Variants in PCGF3 observed in about 807,000 individuals in gnomAD.
PCGF3 encodes the protein polycomb group ring finger 3, also known as polycomb group RING finger protein 3.
PCGF3 carries 7 observed loss-of-function variants against 33.1 expected under a neutral mutation model. The observed-to-expected ratio is 0.21, with a 90% CI of 0.12 to 0.40. PCGF3 has a LOEUF of 0.40. Among genes scored for constraint, PCGF3 ranks in the 10% least tolerant of loss-of-function variants. The pLI, the probability that PCGF3 is intolerant of heterozygous loss-of-function variation, is 1.00. For synonymous variants in PCGF3, 153 were observed against 121.3 expected, an observed-to-expected ratio of 1.26 and a Z score of -1.72; for missense variants, 211 against 313.3, an observed-to-expected ratio of 0.67 and a Z score of 2.46.
At chr4:730,855 C>T (rs1743525645) in intron 2 of PCGF3, 115 bp from the exon 3 acceptor site, 3 of 396,010 alleles carry the variant, frequency 7.6e-6, no homozygotes, top group Middle Eastern at 6.2e-4. Context: ...TGATTGACCC[C>T]ATTCCGCCCT....
At chr4:761,456 C>T (rs371102392) in intron 9 of PCGF3, 40 bp downstream of exon 9, 7 of 1,524,808 alleles carry the variant, frequency 4.6e-6, no homozygotes, top group South Asian at 2.5e-5. Context: ...AACAAGTCCT[C>T]TCTTATTTCT....
exon 1 of PCGF3, chr4:705,879 T>A (rs1322640541): frequency 2.0e-5 from 3 of 151,996 alleles, no homozygotes; most frequent in African/African-American, 7.3e-5. Flanking sequence ...TTTCTCCTCC[T>A]CTTGGGGGGG....
intron 1 of PCGF3, among the ~76,000 whole-genome samples, chr4:728,725 C>T (rs1274911770): frequency 6.6e-6 from 1 of 152,224 alleles, no homozygotes; most frequent in Non-Finnish European, 1.5e-5. Context: ...AGTCTGAGAA[C>T]TCCTGTCAGG....
chr4:761,417 G>A lies in PCGF3; in HGVS notation c.600+1G>A, dbSNP rs1403931320. ...ACTCAACCTTTCATCCTTTAACGAG[G>A]TAACAGTTGATCCCTAAGTAGAAAC... On this transcript the variant is annotated splice_donor_variant, in intron 9 of 10. Coordinates refer to ENST00000362003, the Ensembl canonical transcript of PCGF3. LOFTEE classifies it high-confidence loss of function. 6.2e-7 allele frequency: 1 copy of A among 1,600,956 alleles called. No individual in the cohort carries two copies. Among genetic ancestry groups the A allele is most frequent in the African/African-American group, 1.3e-5 (1 of 74,436 alleles).
chr4:730,305 G>A (rs1245799767), intron 1 of PCGF3, among the ~76,000 whole-genome samples: 1 of 152,116 alleles, frequency 6.6e-6, no homozygotes, highest in Non-Finnish European at 1.5e-5. Flanking sequence ...CCCCTCCTCT[G>A]GGGGGCTCCA....
At chr4:742,811 C>T (rs531897731) in intron 6 of PCGF3, among the ~76,000 whole-genome samples, 4 of 152,290 alleles carry the variant, frequency 2.6e-5, no homozygotes, top group East Asian at 1.9e-4. Flanking sequence ...CACCAGGGGG[C>T]GCTCTTAACC....
intron 8 of PCGF3, among the ~76,000 whole-genome samples, chr4:756,719 C>T (rs1181662943): frequency 6.6e-6 from 1 of 152,106 alleles, no homozygotes; most frequent in Non-Finnish European, 1.5e-5. Flanking sequence ...CCACCACCAC[C>T]ACCATCATCT....
chr4:769,717 G>A (rs1167144591), exon 11 of PCGF3: 3 of 152,670 alleles, frequency 2.0e-5, no homozygotes, highest in African/African-American at 7.2e-5. Flanking sequence ...CCCCTGAGAT[G>A]TGCGTAGCCT....
chr4:721,645 C>T lies in PCGF3; in HGVS notation c.-189-8985C>T, dbSNP rs1743081143. 6.6e-6 allele frequency among the ~76,000 whole-genome samples: 1 copy of T among 152,116 alleles called. No individual in the cohort carries two copies. The highest frequency in any genetic ancestry group is 2.1e-4 in the South Asian group (1 of 4,830). ...TGAGCGGGGCTGCTGAACGCAGGCC[C>T]CAGGGCCTGTAGGACCCTTAGGGAG... On this transcript the variant is annotated intron_variant, in intron 1 of 10. Coordinates refer to ENST00000362003, the Ensembl canonical transcript of PCGF3. The surrounding 1 kb of genome is among the most constrained non-coding windows in gnomAD (Gnocchi z 4.1).
At chr4:714,588 G>C (rs1349068906) in intron 1 of PCGF3, among the ~76,000 whole-genome samples, 11 of 152,204 alleles carry the variant, frequency 7.2e-5, no homozygotes, top group Non-Finnish European at 4.4e-5. Context: ...GCCAGGGCCT[G>C]TCCTTGCCCT....
At position 766,029 on chromosome 4, in the gene PCGF3, C is replaced by T. The variant is rs746916393; in HGVS notation, c.682-3C>T. On this transcript the variant is annotated splice_region_variant and splice_polypyrimidine_tract_variant and intron_variant, in intron 10 of 10. Transcript: ENST00000362003. Reference sequence around the variant, plus strand: ...AGGCACTGTGCGTTCTTGTGTCTTCCAGAAGGCGCCGCTCCTGCTGCACTA... The same window carrying T: ...AGGCACTGTGCGTTCTTGTGTCTTCTAGAAGGCGCCGCTCCTGCTGCACTA... 6.2e-7 allele frequency: 1 copy of T among 1,614,014 alleles called. No homozygotes were observed. Among genetic ancestry groups the T allele is most frequent in the Non-Finnish European group, 8.5e-7 (1 of 1,179,882 alleles).
intron 1 of PCGF3, among the ~76,000 whole-genome samples, chr4:726,006 C>T (rs796478215): frequency 5.9e-5 from 9 of 152,248 alleles, no homozygotes; most frequent in African/African-American, 9.6e-5. Context: ...TGGTTAGGAT[C>T]GGCCCCGTCC....
chr4:755,321 T>C (rs1357682744), intron 8 of PCGF3, among the ~76,000 whole-genome samples: 2 of 151,954 alleles, frequency 1.3e-5, no homozygotes, highest in African/African-American at 4.8e-5. Flanking sequence ...TCCAGTCTCC[T>C]GTGTGTGGGG....
At position 738,860 on chromosome 4, in the gene PCGF3, A is replaced by G. The variant is rs1026702823; in HGVS notation, c.262+1339A>G. 2.0e-5 allele frequency among the ~76,000 whole-genome samples: 3 copies of G among 149,278 alleles called. No homozygotes were observed. The East Asian group carries it at 6.2e-4, about 31-fold the overall frequency. The stretch of plus-strand genomic sequence containing the variant: ...GGCGACAGAGCAAGACTCCGTCTCA[A>G]AAAAATAAATAAATAAATAAAGTGT... On this transcript the variant is annotated intron_variant, in intron 6 of 10. Transcript: ENST00000362003.
intron 8 of PCGF3, among the ~76,000 whole-genome samples, chr4:760,883 C>T (rs568311041): frequency 6.6e-6 from 1 of 152,374 alleles, no homozygotes; most frequent in Non-Finnish European, 1.5e-5. Flanking sequence ...CTACTGTCTT[C>T]CTGCAGTCGC....
intron 1 of PCGF3, among the ~76,000 whole-genome samples, chr4:729,659 G>T (rs752655911): frequency 1.9e-4 from 29 of 152,190 alleles, no homozygotes; most frequent in Middle Eastern, 6.8e-3. Flanking sequence ...CCTTATATTT[G>T]CCTGGGAAGA....
At chr4:708,298 C>T (rs1270018847) in intron 1 of PCGF3, among the ~76,000 whole-genome samples, 1 of 152,144 alleles carries the variant, frequency 6.6e-6, no homozygotes, top group African/African-American at 2.4e-5. Flanking sequence ...CAGACAGGTC[C>T]TCAGAGGGCT....
intron 9 of PCGF3, among the ~76,000 whole-genome samples, chr4:763,495 A>G (rs1745184665): frequency 6.6e-6 from 1 of 152,230 alleles, no homozygotes; most frequent in Admixed American, 6.5e-5. Context: ...AGAACTGTCT[A>G]CATGATCAGG....
intron 1 of PCGF3, among the ~76,000 whole-genome samples, chr4:728,175 A>T (rs964341120): frequency 2.0e-5 from 3 of 152,228 alleles, no homozygotes; most frequent in African/African-American, 7.2e-5. Flanking sequence ...GTGCACGGCC[A>T]GCTCCCCCGA....
Sources: allele counts gnomAD v4.1 joint callset (sites outside exome capture counted in the v4.1 genomes callset), GRCh38; gene constraint gnomAD v4.1.1; non-coding constraint Gnocchi (gnomAD v3.1); transcripts MANE v1.5; gene names NCBI Gene and HGNC (gene_info 2026-07-23, HGNC 2026-07-21).